SULF2: variants seen among roughly 807,000 people sequenced by gnomAD.
SULF2 encodes the protein sulfatase 2, also known as extracellular sulfatase Sulf-2.
SULF2 carries 52 observed loss-of-function variants against 107.7 expected under a neutral mutation model. The ratio of observed to expected loss-of-function variants is 0.48; its 90% CI spans 0.39 to 0.61. The LOEUF is 0.61. Among genes scored for constraint, SULF2 ranks in the 20% least tolerant of loss-of-function variants. The pLI, the probability that SULF2 is intolerant of heterozygous loss-of-function variation, is 0.00. For synonymous variants in SULF2, 460 were observed against 464.3 expected, an observed-to-expected ratio of 0.99 and a Z score of 0.12; for missense variants, 993 against 1,177.3, an observed-to-expected ratio of 0.84 and a Z score of 2.29.
chr20:47,780,336 TTG>T (rs1368712524), intron 1 of SULF2, among the ~76,000 whole-genome samples: 2 of 151,998 alleles, frequency 1.3e-5, no homozygotes, highest in Non-Finnish European at 2.9e-5. Flanking sequence ...TGACTTCTAT[TTG>T]TGTTTGGGGC....
At chr20:47,660,780 T>C (rs1568773992) in intron 18 of SULF2, among the ~76,000 whole-genome samples, 1 of 151,990 alleles carries the variant, frequency 6.6e-6, no homozygotes, top group Non-Finnish European at 1.5e-5. Context: ...TTTAGCTTTT[T>C]TCATCTTAAA....
chr20:47,673,877 C>T (rs1167590470), intron 10 of SULF2, among the ~76,000 whole-genome samples: 4 of 152,224 alleles, frequency 2.6e-5, no homozygotes, highest in Non-Finnish European at 5.9e-5. Flanking sequence ...CTGAGTTCTG[C>T]GTGAAGCCCT....
chr20:47,690,843 TG>T (rs1221737709), intron 4 of SULF2, among the ~76,000 whole-genome samples: 1 of 142,094 alleles, frequency 7.0e-6, no homozygotes, highest in African/African-American at 2.7e-5. Flanking sequence ...CACTCCAGCC[TG>T]GGTGACAAAG....
chr20:47,676,384 C>T (rs2087640630), intron 10 of SULF2, 110 bp downstream of exon 10: 1 of 1,254,548 alleles, frequency 8.0e-7, no homozygotes, highest in Non-Finnish European at 1.1e-6. Context: ...CAAAGGACTA[C>T]CCGTTGGGAG....
chr20:47,676,460 G>C (rs757105447), intron 10 of SULF2, 34 bp downstream of exon 10: 5 of 1,598,434 alleles, frequency 3.1e-6, no homozygotes, highest in South Asian at 2.2e-5. Context: ...CAGTCAGGAG[G>C]GGGAGCCGTT....
intron 4 of SULF2, among the ~76,000 whole-genome samples, chr20:47,699,576 G>A (rs922997664): frequency 3.4e-4 from 52 of 152,072 alleles, no homozygotes; most frequent in African/African-American, 1.2e-3. Flanking sequence ...TATGTGTCAA[G>A]GTTGGGGCTC....
At position 47,676,550 on chromosome 20, in the gene SULF2, C is replaced by T; in HGVS notation, c.1324G>A (p.Val442Met). The T allele has an allele frequency of 1.9e-6, 3 of 1,591,792 alleles. No individual in the cohort carries two copies. The highest frequency in any genetic ancestry group is 2.6e-6 in the Non-Finnish European group (3 of 1,169,034). Residue 442 changes from valine to methionine, a missense_variant, in exon 10 of 21, where the codon GTG (valine) becomes ATG (methionine). Around this residue, in one of 3 missense-constraint regions of SULF2, gnomAD observed 108 missense variants for 183.9 expected, o/e 0.59. Transcript: ENST00000688720. ...TCAGCACGCTGACACAGGTCCTTCA[C>T]ACGCTGGTACTTGGGCAGAAAGTTC... The part of the protein sequence containing the change: ...EENFLPKYQR[V>M]KDLCQRAEYQ...
At position 47,678,865 on chromosome 20, in the gene SULF2, G is replaced by A. The variant is rs369365624; in HGVS notation, c.1065-61C>T. ...AGGTGGTGGTGCCTCAGCCTCGCGT[G>A]GGGGGTGGGGAGCGGTAGGTGGGCA... On this transcript the variant is annotated intron_variant, in intron 7 of 20. Coordinates refer to ENST00000688720, the MANE Select transcript of SULF2 (RefSeq NM_001387048.1). The surrounding 1 kb of genome is among the most constrained non-coding windows in gnomAD (Gnocchi z 4.5). 54 of 1,487,932 alleles carry A rather than the reference G, an allele frequency of 3.6e-5. No homozygotes were observed. In the South Asian group the frequency reaches 5.3e-4, roughly 14 times the overall value. 92.2% of individuals were successfully genotyped at this position (1,487,932 alleles called of 1,614,324 possible). A position where few individuals can be genotyped will look rare whatever the true frequency, so the allele number is the denominator to read the frequency against.
intron 11 of SULF2, among the ~76,000 whole-genome samples, chr20:47,670,681 G>A: frequency 1.4e-5 from 1 of 69,402 alleles, no homozygotes. Context: ...ACAGCAGGGT[G>A]GGAGAGCGGG....
At chr20:47,784,407 G>A (rs1053362914) in intron 1 of SULF2, among the ~76,000 whole-genome samples, 7 of 152,172 alleles carry the variant, frequency 4.6e-5, no homozygotes, top group African/African-American at 1.4e-4. Context: ...GGGAGGAGGA[G>A]GAGGAGAGGG....
rs1189022599 is a variant in SULF2, at chr20:47,662,814, A to G, written c.2370+256T>C. ...CCGGCAAAACCTGGTTGCATGCTGCATGTTAAGTTAGAGGGAAGAAGCCAT... is the reference window on the plus strand; with the variant it reads ...CCGGCAAAACCTGGTTGCATGCTGCGTGTTAAGTTAGAGGGAAGAAGCCAT... On this transcript the variant is annotated intron_variant, in intron 17 of 20. Transcript: ENST00000688720. Among the ~76,000 whole-genome samples, 5 of 123,722 alleles carry G rather than the reference A, an allele frequency of 4.0e-5. No homozygotes were observed. The East Asian group carries it at 1.0e-3, about 25-fold the overall frequency. The allele number at this position is 123,722 out of a possible 152,430, so 81.2% of individuals were successfully genotyped here. A position where few individuals can be genotyped will look rare whatever the true frequency, so the allele number is the denominator to read the frequency against.
chr20:47,775,287 T>C lies in SULF2; in HGVS notation c.-101+10056A>G, dbSNP rs569052209. Among the ~76,000 whole-genome samples, 145 of 152,302 alleles carry C rather than the reference T, an allele frequency of 9.5e-4. 1 individual carries two copies. The highest frequency in any genetic ancestry group is 3.3e-3 in the African/African-American group (137 of 41,552). ...AAGTCAGGCTACCCTGAACCTGCCA[T>C]ACTGCGAGGAAGCCCAAGTAGCCAT... On this transcript the variant is annotated intron_variant, in intron 1 of 20. Transcript: ENST00000688720.
At chr20:47,693,785 A>C (rs937298831) in intron 4 of SULF2, among the ~76,000 whole-genome samples, 10 of 152,194 alleles carry the variant, frequency 6.6e-5, no homozygotes, top group Non-Finnish European at 1.5e-4. Context: ...CAGGAATGAG[A>C]CCCAGGAGGG....
In SULF2 at chr20:47,666,939, A is replaced by G. The variant is rs1031141375; in HGVS notation, c.1577-451T>C. Among the ~76,000 whole-genome samples the G allele has an allele frequency of 6.6e-6, 1 of 152,216 alleles. No individual in the cohort carries two copies. Among genetic ancestry groups the G allele is most frequent in the African/African-American group, 2.4e-5 (1 of 41,458 alleles). On this transcript the variant is annotated intron_variant, in intron 11 of 20. Transcript: ENST00000688720. The surrounding 1 kb of genome is among the most constrained non-coding windows in gnomAD (Gnocchi z 5.4). ...GGAACTACCCAGAATAGGTAAATCT[A>G]TAGCGGCAGAAAGAAGATTGGTGAT...
At chr20:47,738,758 T>A (rs549606920) in intron 2 of SULF2, among the ~76,000 whole-genome samples, 1 of 152,240 alleles carries the variant, frequency 6.6e-6, no homozygotes, top group Non-Finnish European at 1.5e-5. Flanking sequence ...CCCAGCCACA[T>A]GGAACTAAGT....
chr20:47,721,420 G>A (rs1223419832), intron 3 of SULF2, among the ~76,000 whole-genome samples: 1 of 151,416 alleles, frequency 6.6e-6, no homozygotes, highest in Non-Finnish European at 1.5e-5. Context: ...CCAGACTGCA[G>A]TGCAGTGGCA....
chr20:47,666,477 T>C lies in SULF2; in HGVS notation c.1588A>G (p.Ser530Gly), dbSNP rs924009745. Residue 530 changes from serine to glycine, a missense_variant, in exon 12 of 21, where the codon AGC becomes GGC. Physicochemically the swap from Ser to Gly is moderately conservative, Grantham distance 56 (BLOSUM62 0). This residue lies in a region of SULF2 where 497 missense variants were observed against 544.1 expected (regional missense o/e 0.91). Transcript: ENST00000688720. The surrounding 1 kb of genome is among the most constrained non-coding windows in gnomAD (Gnocchi z 5.4). ...CGGATGGAGCGACTGCGGACATAGC[T>C]GGCCTTGTACTCTGTGGGCATTAGA... ...KKLFKKKYKA[S>G]YVRSRSIRSV... The C allele has an allele frequency of 6.2e-6, 10 of 1,612,952 alleles. No individual in the cohort carries two copies. Among genetic ancestry groups the C allele is most frequent in the East Asian group, 2.2e-5 (1 of 44,896 alleles).
intron 4 of SULF2, among the ~76,000 whole-genome samples, chr20:47,693,371 G>C (rs1474524600): frequency 6.6e-6 from 1 of 152,124 alleles, no homozygotes; most frequent in African/African-American, 2.4e-5. Flanking sequence ...AGTGGGGTGG[G>C]GTGGGAAGCC....
intron 13 of SULF2, 43 bp from the exon 14 acceptor site, chr20:47,665,336 T>TTTGTTGTCCAGCCTTGAA: frequency 1.5e-6 from 2 of 1,312,380 alleles, no homozygotes; most frequent in Non-Finnish European, 2.2e-6. Context: ...CCTTCAAGGC[T>TTTGTTGTCCAGCCTTGAA]GGACAACAAA....
Sources: allele counts gnomAD v4.1 joint callset (sites outside exome capture counted in the v4.1 genomes callset), GRCh38; gene constraint gnomAD v4.1.1; regional missense constraint gnomAD v4.1.1; non-coding constraint Gnocchi (gnomAD v3.1); transcripts MANE v1.5; gene names NCBI Gene and HGNC (gene_info 2026-07-23, HGNC 2026-07-21).